SMG7: variants seen among roughly 807,000 people sequenced by gnomAD.
The protein encoded by SMG7 is nonsense-mediated mRNA decay factor SMG7.
In SMG7, 34 loss-of-function variants were observed where a neutral mutation model predicts 148.2. The ratio of observed to expected loss-of-function variants is 0.23; its 90% CI spans 0.17 to 0.31. The LOEUF (loss-of-function observed/expected upper bound fraction) is 0.31, where lower values mean the gene tolerates loss of function less well. Among genes scored for constraint, SMG7 ranks in the 10% least tolerant of loss-of-function variants. The pLI is 1.00. For missense variants in SMG7, 1,114 were observed against 1,408.4 expected, an observed-to-expected ratio of 0.79 and a Z score of 3.35; for synonymous variants, 492 against 515.1, an observed-to-expected ratio of 0.96 and a Z score of 0.61.
At chr1:183,475,405 G>A (rs1036232766) in intron 1 of SMG7, among the ~76,000 whole-genome samples, 9 of 152,172 alleles carry the variant, frequency 5.9e-5, no homozygotes, top group Non-Finnish European at 1.0e-4. Context: ...ATATTTAAGA[G>A]GATCCTGAAT....
At chr1:183,537,436 C>T (rs924863391) in intron 11 of SMG7, among the ~76,000 whole-genome samples, 4 of 152,126 alleles carry the variant, frequency 2.6e-5, no homozygotes, top group Non-Finnish European at 5.9e-5. Flanking sequence ...AATAGGAGTT[C>T]AGAGAGTGTA....
In SMG7 at chr1:183,547,236, C is replaced by G; in HGVS notation, c.2876C>G (p.Pro959Arg). The stretch of plus-strand genomic sequence containing the variant: ...CTGCTGGGGCCTCTCGCCTCTCTTC[C>G]TGGACGAAGCCTTTTTGTATGTATT... ...PALLGPLASL[P>R]GRSLFKSLLE... is the part of the protein sequence containing the mutation. The change falls in exon 18 of 23, where the codon CCT becomes CGT. Residue 959 changes from proline to arginine, a missense_variant. Physicochemically the swap from Pro to Arg is moderately radical, Grantham distance 103. Coordinates refer to ENST00000688051, the MANE Select transcript of SMG7 (RefSeq NM_001375584.1). The G allele has an allele frequency of 6.5e-7, 1 of 1,549,914 alleles. No individual in the cohort carries two copies. The highest frequency in any genetic ancestry group is 8.7e-7 in the Non-Finnish European group (1 of 1,146,744).
At chr1:183,517,959 T>C (rs1342839460) in intron 4 of SMG7, 139 bp downstream of exon 4, 5 of 894,610 alleles carry the variant, frequency 5.6e-6, no homozygotes, top group Non-Finnish European at 6.8e-6. Context: ...AATCTTTTCT[T>C]TTTTGGCGAC....
intron 1 of SMG7, among the ~76,000 whole-genome samples, chr1:183,491,282 T>G (rs1156948935): frequency 6.6e-6 from 1 of 152,234 alleles, no homozygotes; most frequent in African/African-American, 2.4e-5. Flanking sequence ...CATTCATAGT[T>G]CCTTCCTTTG....
At position 183,550,749 on chromosome 1, in the gene SMG7, A is replaced by G; in HGVS notation, c.3134-2A>G. The G allele has an allele frequency of 6.2e-7, 1 of 1,613,816 alleles. No homozygotes were observed. The highest frequency in any genetic ancestry group is 8.5e-7 in the Non-Finnish European group (1 of 1,179,758). ...ATATCCTGTGTTGCTATTATTTAATAGATCATTCAACACCAGCCAGCCAGT... is the reference window on the plus strand; with the variant it reads ...ATATCCTGTGTTGCTATTATTTAATGGATCATTCAACACCAGCCAGCCAGT... On this transcript the variant is annotated splice_acceptor_variant, in intron 20 of 22. Transcript: ENST00000688051. LOFTEE classifies it high-confidence loss of function.
At chr1:183,496,931 G>A (rs1274039066) in intron 1 of SMG7, among the ~76,000 whole-genome samples, 1 of 152,196 alleles carries the variant, frequency 6.6e-6, no homozygotes, top group Non-Finnish European at 1.5e-5. Context: ...TGTGGGCCAT[G>A]GATTGGACAG....
In SMG7 at chr1:183,546,114, T is replaced by C; in HGVS notation, c.2519T>C (p.Met840Thr). ...LFEPSLQPPV[M>T]QQQPLEKKMK... is the part of the protein sequence containing the mutation. ...GAGCCGTCATTGCAACCTCCTGTAA[T>C]GCAGCAGCAGCCTCTAGAAAAAAAA... is the stretch of plus-strand genomic sequence containing the variant. Residue 840 changes from methionine to threonine, a missense_variant, in exon 17 of 23, where the codon ATG (methionine) becomes ACG (threonine). Around this residue, in one of 4 missense-constraint regions of SMG7, gnomAD observed 788 missense variants for 894.5 expected, o/e 0.88. Coordinates refer to ENST00000688051, the MANE Select transcript of SMG7 (RefSeq NM_001375584.1). 2 of 1,613,940 alleles carry C rather than the reference T, an allele frequency of 1.2e-6. No individual in the cohort carries two copies. Among genetic ancestry groups the C allele is most frequent in the Non-Finnish European group, 1.7e-6 (2 of 1,179,972 alleles).
At chr1:183,516,393 A>G (rs538305580) in intron 3 of SMG7, among the ~76,000 whole-genome samples, 4 of 152,360 alleles carry the variant, frequency 2.6e-5, no homozygotes, top group African/African-American at 7.2e-5. Flanking sequence ...TTTCCCTGTC[A>G]GGAAAATGTA....
rs143340793 is a variant in SMG7, at chr1:183,533,745, A to G, written c.1076A>G (p.Tyr359Cys). Residue 359 changes from tyrosine (Y) to cysteine (C), a missense_variant, in exon 10 of 23, where the codon TAT becomes TGT. Coordinates refer to ENST00000688051, the MANE Select transcript of SMG7 (RefSeq NM_001375584.1). ...TCTCAGGAGGAGTCCTACAATGCCT[A>G]TCCTCTTCCAGCAGTCAAGGTCTCC... ...NESQEESYNAYPLPAVKVSMD... is the reference protein window; with the variant it reads ...NESQEESYNACPLPAVKVSMD... The G allele has an allele frequency of 5.9e-4, 949 of 1,613,470 alleles. 2 individuals carry two copies. Among genetic ancestry groups the G allele is most frequent in the Admixed American group, 7.8e-4 (47 of 60,014 alleles).
At chr1:183,492,577 C>A (rs747928969) in intron 1 of SMG7, among the ~76,000 whole-genome samples, 1 of 152,140 alleles carries the variant, frequency 6.6e-6, no homozygotes, top group South Asian at 2.1e-4. Context: ...CAGTTTCTAA[C>A]GAAAACAATC....
At chr1:183,502,985 C>A (rs1165835758) in intron 1 of SMG7, among the ~76,000 whole-genome samples, 2 of 152,222 alleles carry the variant, frequency 1.3e-5, no homozygotes, top group East Asian at 3.8e-4. Flanking sequence ...ATAGTTGCCT[C>A]TGCGAGAGTG....
intron 12 of SMG7, among the ~76,000 whole-genome samples, chr1:183,540,650 A>G (rs1295482693): frequency 6.6e-6 from 1 of 152,236 alleles, no homozygotes; most frequent in Admixed American, 6.5e-5. Context: ...TTGGCATGCA[A>G]GATAAATGTT....
At chr1:183,545,472 CAAAT>C (rs1299119608) in intron 16 of SMG7, among the ~76,000 whole-genome samples, 160 bp downstream of exon 16, 2 of 152,108 alleles carry the variant, frequency 1.3e-5, no homozygotes, top group Non-Finnish European at 2.9e-5. Context: ...TATGAAAGTT[CAAAT>C]GTTTTCCTTA....
chr1:183,551,846 C>A lies in SMG7; in HGVS notation c.3479C>A (p.Pro1160His). ...KSIWSSSMMH[P>H]GPSALEQLLM... is the part of the protein sequence containing the mutation. ...ATCTGGTCCAGTTCCATGATGCATC[C>A]TGGACCTTCTGCTCTGGAGCAGCTG... The change falls in exon 23 of 23, where the codon CCT (proline) becomes CAT (histidine). Residue 1160 changes from proline to histidine, a missense_variant. By Grantham distance (77) the Pro-to-His change is moderately conservative (BLOSUM62 -2). This residue lies in a region of SMG7 where 788 missense variants were observed against 894.5 expected (regional missense o/e 0.88). Transcript: ENST00000688051. The A allele has an allele frequency of 6.2e-7, 1 of 1,613,412 alleles. No individual in the cohort carries two copies. The highest frequency in any genetic ancestry group is 8.5e-7 in the Non-Finnish European group (1 of 1,179,620).
intron 4 of SMG7, chr1:183,518,712 C>A (rs576986823): frequency 2.0e-5 from 3 of 152,108 alleles, no homozygotes; most frequent in Non-Finnish European, 4.4e-5. Flanking sequence ...TTATTTTTGA[C>A]CATGGGATTT....
chr1:183,549,060 C>A lies in SMG7; in HGVS notation c.2893-148C>A, dbSNP rs1332880483. On this transcript the variant is annotated intron_variant, in intron 18 of 22. Transcript: ENST00000688051. ...CACTTAGGCGGTGTCTTGGTGTTAA[C>A]AGATTTGAATTCACATCTTCTGAGC... is the stretch of plus-strand genomic sequence containing the variant. 5 of 625,324 alleles carry A rather than the reference C, an allele frequency of 8.0e-6. No individual in the cohort carries two copies. The Admixed American group carries it at 1.1e-4, about 14-fold the overall frequency. The allele number at this position is 625,324 out of a possible 1,614,324, so 38.7% of individuals were successfully genotyped here. A position where few individuals can be genotyped will look rare whatever the true frequency, so the allele number is the denominator to read the frequency against.
chr1:183,534,603 G>A (rs1198524135), intron 10 of SMG7, among the ~76,000 whole-genome samples: 1 of 152,198 alleles, frequency 6.6e-6, no homozygotes, highest in Admixed American at 6.5e-5. Context: ...GCTCATGCCT[G>A]TAATCCCAGC....
intron 1 of SMG7, among the ~76,000 whole-genome samples, chr1:183,493,492 G>A (rs1657578174): frequency 6.6e-6 from 1 of 152,174 alleles, no homozygotes; most frequent in Non-Finnish European, 1.5e-5. Context: ...CAAAGAAGGT[G>A]TATTCTTTTG....
At chr1:183,491,171 A>G (rs1208210695) in intron 1 of SMG7, among the ~76,000 whole-genome samples, 1 of 152,200 alleles carries the variant, frequency 6.6e-6, no homozygotes, top group East Asian at 1.9e-4. Flanking sequence ...GTTTGTTCGC[A>G]TGTCCGGTAA....
Sources: gnomAD v4.1 joint callset for allele counts (sites outside exome capture counted in the v4.1 genomes callset) on GRCh38, gnomAD v4.1.1 for gene constraint, gnomAD v4.1.1 regional missense constraint, MANE v1.5 for transcripts, NCBI Gene and HGNC (gene_info 2026-07-23, HGNC 2026-07-21) for gene names.